The following PDE6D variants were observed in gnomAD, a reference collection of about 807,000 sequenced individuals.
PDE6D encodes retinal rod rhodopsin-sensitive cGMP 3',5'-cyclic phosphodiesterase subunit delta.
PDE6D carries 10 observed loss-of-function variants against 21.9 expected under a neutral mutation model. That is an observed-to-expected ratio of 0.46 (90% confidence interval 0.28 to 0.78). The LOEUF (loss-of-function observed/expected upper bound fraction) is 0.78, where lower values mean the gene tolerates loss of function less well. PDE6D is among the 30% of genes least tolerant of loss of function. The pLI is 0.12. For synonymous variants in PDE6D, 59 were observed against 63.5 expected (o/e 0.93, Z 0.34); for missense variants, 139 against 184.8 (o/e 0.75, Z 1.44).
intron 1 of PDE6D, among the ~76,000 whole-genome samples, chr2:231,775,485 G>GTTTT (rs145491718): frequency 1.1e-4 from 15 of 140,940 alleles, no homozygotes; most frequent in Admixed American, 2.1e-4. Flanking sequence ...ATTTTTGTGT[G>GTTTT]TGTTTTTTTT....
At position 231,738,165 on chromosome 2, in the gene PDE6D, G is replaced by A. The variant is rs755436309; in HGVS notation, c.140-27C>T. 1.7e-5 allele frequency: 27 copies of A among 1,597,354 alleles called. No homozygotes were observed. The South Asian group carries it at 2.8e-4, about 17-fold the overall frequency. On this transcript the variant is annotated intron_variant, in intron 2 of 4. Coordinates refer to ENST00000287600, the MANE Select transcript of PDE6D (RefSeq NM_002601.4). ...TGGTAAGAGAAAAACAAATGTTGAAGCCTTTCTAAATGAAAACCACAGGAC... is the reference window on the plus strand; with the variant it reads ...TGGTAAGAGAAAAACAAATGTTGAAACCTTTCTAAATGAAAACCACAGGAC...
Position 231,738,112 on chromosome 2 carries a change from A to C in PDE6D, c.166T>G (p.Cys56Gly), listed in dbSNP as rs1355713597. The change falls in exon 3 of 5, where the codon TGC becomes GGC. Residue 56 changes from cysteine to glycine, a missense_variant. Physicochemically the swap from Cys to Gly is radical, Grantham distance 159. Coordinates refer to ENST00000287600, the MANE Select transcript of PDE6D (RefSeq NM_002601.4). The stretch of plus-strand genomic sequence containing the variant: ...TTAAGTTCTCGAGACACTGCCTTGC[A>C]CTTGAGGATTTTCTTGGGAACACGG... ...EARVPKKILK[C>G]KAVSRELNFS... is the part of the protein sequence containing the mutation. 3 of 1,612,804 alleles carry C rather than the reference A, an allele frequency of 1.9e-6. No homozygotes were observed. Among genetic ancestry groups the C allele is most frequent in the African/African-American group, 1.3e-5 (1 of 74,978 alleles).
At chr2:231,776,471 TA>T (rs752318314) in intron 1 of PDE6D, among the ~76,000 whole-genome samples, 1 of 152,130 alleles carries the variant, frequency 6.6e-6, no homozygotes, top group Non-Finnish European at 1.5e-5. Context: ...TCCATTTTTA[TA>T]AAAAACACAT....
intron 1 of PDE6D, among the ~76,000 whole-genome samples, chr2:231,767,350 C>T (rs1415638024): frequency 6.6e-6 from 1 of 151,680 alleles, no homozygotes; most frequent in East Asian, 1.9e-4. Flanking sequence ...GACAGAGTCT[C>T]CGTTGCCAAG....
At chr2:231,771,395 A>C (rs2049014699) in intron 1 of PDE6D, among the ~76,000 whole-genome samples, 1 of 152,242 alleles carries the variant, frequency 6.6e-6, no homozygotes, top group African/African-American at 2.4e-5. Context: ...GCTTAAATTA[A>C]GGTTCTGCCT....
intron 2 of PDE6D, among the ~76,000 whole-genome samples, chr2:231,738,784 C>T (rs532663560): frequency 1.3e-4 from 19 of 151,912 alleles, no homozygotes; most frequent in South Asian, 1.0e-3. Context: ...GATGTGGTGG[C>T]GCACGCCTGT....
chr2:231,772,331 A>G (rs2049022015), intron 1 of PDE6D, among the ~76,000 whole-genome samples: 1 of 152,178 alleles, frequency 6.6e-6, no homozygotes, highest in African/African-American at 2.4e-5. Flanking sequence ...CTACGGTGAG[A>G]CCATCGCCTT....
At chr2:231,768,253 T>A (rs1226783025) in intron 1 of PDE6D, among the ~76,000 whole-genome samples, 1 of 152,220 alleles carries the variant, frequency 6.6e-6, no homozygotes, top group African/African-American at 2.4e-5. Context: ...TCCAAGAATT[T>A]GTTTGGTCCT....
intron 1 of PDE6D, among the ~76,000 whole-genome samples, chr2:231,772,196 T>C (rs1200634301): frequency 1.3e-5 from 2 of 152,188 alleles, no homozygotes; most frequent in African/African-American, 4.8e-5. Flanking sequence ...TTTTCATCTT[T>C]AGGTTAAACT....
chr2:231,773,009 G>A (rs1464154048), intron 1 of PDE6D, among the ~76,000 whole-genome samples: 3 of 152,148 alleles, frequency 2.0e-5, no homozygotes, highest in Non-Finnish European at 4.4e-5. Context: ...AAGCCAAGGT[G>A]GGCAAATCAC....
intron 1 of PDE6D, among the ~76,000 whole-genome samples, chr2:231,750,660 ATTTTTTTT>A (rs561604556): frequency 3.3e-4 from 30 of 92,082 alleles, no homozygotes; most frequent in Admixed American, 3.4e-4. Context: ...TGCTCATCTA[ATTTTTTTT>A]TTTTTTTTTT....
At position 231,752,886 on chromosome 2, in the gene PDE6D, T is replaced by G. The variant is rs1257077035; in HGVS notation, c.51-13698A>C. Reference sequence around the variant, plus strand: ...TCTCACTCTGTCGCCCAGGCTGGAGTGCAGTGGCGCAATCTCAGCTCACTG... The same window carrying G: ...TCTCACTCTGTCGCCCAGGCTGGAGGGCAGTGGCGCAATCTCAGCTCACTG... On this transcript the variant is annotated intron_variant, in intron 1 of 4. Transcript: ENST00000287600. 7.1e-5 allele frequency among the ~76,000 whole-genome samples: 10 copies of G among 140,740 alleles called. No individual in the cohort carries two copies. In the East Asian group the frequency reaches 1.7e-3, roughly 23 times the overall value. The allele number at this position is 140,740 out of a possible 152,430, so 92.3% of individuals were successfully genotyped here. A position where few individuals can be genotyped will look rare whatever the true frequency, so the allele number is the denominator to read the frequency against.
At chr2:231,769,479 A>G (rs2106284559) in intron 1 of PDE6D, among the ~76,000 whole-genome samples, 1 of 152,286 alleles carries the variant, frequency 6.6e-6, no homozygotes, top group Non-Finnish European at 1.5e-5. Flanking sequence ...GCAGTGCCAC[A>G]CATGGCATAA....
chr2:231,744,393 T>G (rs2048774906), intron 1 of PDE6D, among the ~76,000 whole-genome samples: 1 of 152,194 alleles, frequency 6.6e-6, no homozygotes, highest in Non-Finnish European at 1.5e-5. Context: ...CATGAATGTC[T>G]TTTCTCTGTA....
At chr2:231,772,758 C>A (rs1261559201) in intron 1 of PDE6D, among the ~76,000 whole-genome samples, 1 of 152,172 alleles carries the variant, frequency 6.6e-6, no homozygotes, top group African/African-American at 2.4e-5. Context: ...AGTGGTGATA[C>A]AACTGGAATT....
chr2:231,747,184 G>A (rs775857115), intron 1 of PDE6D, among the ~76,000 whole-genome samples: 17 of 152,092 alleles, frequency 1.1e-4, no homozygotes, highest in African/African-American at 2.4e-4. Context: ...TCCGCCTCCC[G>A]GGTTCAAGCG....
chr2:231,757,021 C>T (rs775201217), intron 1 of PDE6D, among the ~76,000 whole-genome samples: 2 of 151,836 alleles, frequency 1.3e-5, no homozygotes, highest in Admixed American at 1.3e-4. Context: ...TGCAGTGGTA[C>T]GATCACAGCT....
chr2:231,733,172 A>C, intron 4 of PDE6D, 139 bp from the exon 5 acceptor site: 1 of 641,946 alleles, frequency 1.6e-6, no homozygotes, highest in East Asian at 2.7e-5. Flanking sequence ...TGGGGACATT[A>C]AAATCCTTGT....
At position 231,770,965 on chromosome 2, in the gene PDE6D, A is replaced by AAC. The variant is rs544299469; in HGVS notation, c.50+10098_50+10099dup. On this transcript the variant is annotated intron_variant, in intron 1 of 4. Transcript: ENST00000287600. The stretch of plus-strand genomic sequence containing the variant: ...TGAGACTTCATTTCAAAAAAAAAAA[A>AAC]ACCCACAAAAATTAGCCAAGCATGA... Among the ~76,000 whole-genome samples, 541 of 151,738 alleles carry AAC rather than the reference A, an allele frequency of 3.6e-3. 3 individuals carry two copies. Among genetic ancestry groups the AAC allele is most frequent in the African/African-American group, 0.013 (522 of 41,350 alleles).
Sources: allele counts gnomAD v4.1 joint callset (sites outside exome capture counted in the v4.1 genomes callset), GRCh38; gene constraint gnomAD v4.1.1; transcripts MANE v1.5; gene names NCBI Gene and HGNC (gene_info 2026-07-23, HGNC 2026-07-21).